The following INSYN2B variants were observed in gnomAD, a reference collection of about 807,000 sequenced individuals.
INSYN2B encodes inhibitory synaptic factor family member 2B.
In INSYN2B, 16 loss-of-function variants were observed where a neutral mutation model predicts 41.2. That is an observed-to-expected ratio of 0.39 (90% CI 0.26 to 0.59). The LOEUF is 0.59. Ranked by LOEUF, INSYN2B falls within the 20% of genes least tolerant of loss-of-function variation. The probability of loss-of-function intolerance (pLI) is 0.57; values close to 1 mark genes in which losing one functional copy is unlikely to be tolerated. For missense variants in INSYN2B, 608 were observed against 646.4 expected (o/e 0.94, Z 0.64); for synonymous variants, 245 against 244.4 (o/e 1.00, Z -0.02).
intron 1 of INSYN2B, among the ~76,000 whole-genome samples, chr5:169,909,665 C>G (rs185065585): frequency 1.3e-5 from 2 of 152,316 alleles, no homozygotes; most frequent in African/African-American, 4.8e-5. Flanking sequence ...AATCTGCCCT[C>G]TAAACCTATA....
chr5:169,941,782 G>A (rs938245997), intron 1 of INSYN2B, among the ~76,000 whole-genome samples: 5 of 152,144 alleles, frequency 3.3e-5, no homozygotes, highest in African/African-American at 4.8e-5. Context: ...AATACCACAC[G>A]CTTTCTTGCA....
intron 1 of INSYN2B, among the ~76,000 whole-genome samples, chr5:169,971,910 G>T (rs1216524287): frequency 6.6e-6 from 1 of 152,064 alleles, no homozygotes; most frequent in African/African-American, 2.4e-5. Flanking sequence ...TCCTCATCCT[G>T]TTCCAACATA....
intron 2 of INSYN2B, among the ~76,000 whole-genome samples, chr5:169,882,249 T>A (rs764638940): frequency 1.3e-5 from 2 of 152,190 alleles, no homozygotes; most frequent in African/African-American, 4.8e-5. Flanking sequence ...CATGTATCAA[T>A]AGAACCCTCA....
At chr5:169,939,333 T>G (rs1372162803) in intron 1 of INSYN2B, among the ~76,000 whole-genome samples, 1 of 152,150 alleles carries the variant, frequency 6.6e-6, no homozygotes, top group African/African-American at 2.4e-5. Flanking sequence ...CTGGTCTCAT[T>G]GAAGGTCTTC....
At chr5:169,882,246 C>G (rs1386630189) in intron 2 of INSYN2B, among the ~76,000 whole-genome samples, 3 of 152,150 alleles carry the variant, frequency 2.0e-5, no homozygotes, top group African/African-American at 7.2e-5. Context: ...CATCATGTAT[C>G]AATAGAACCC....
At chr5:169,969,251 C>T (rs1466459479) in intron 1 of INSYN2B, among the ~76,000 whole-genome samples, 1 of 152,050 alleles carries the variant, frequency 6.6e-6, no homozygotes, top group African/African-American at 2.4e-5. Context: ...TCAAGAACAG[C>T]TTGGCCAATA....
At chr5:169,943,652 G>A (rs1313871029) in intron 1 of INSYN2B, among the ~76,000 whole-genome samples, 16 of 152,152 alleles carry the variant, frequency 1.1e-4, no homozygotes, top group Admixed American at 1.0e-3. Context: ...ATTAGAGTTT[G>A]CAGATCTGGG....
At position 169,868,333 on chromosome 5, in the gene INSYN2B, T is replaced by C. The variant is rs11134595; in HGVS notation, c.1422-3874A>G. On this transcript the variant is annotated intron_variant, in intron 3 of 3. Coordinates refer to ENST00000377365, the MANE Select transcript of INSYN2B (RefSeq NM_001129891.3). ...ATCCATATGCTTCCACCAAATTATA[T>C]GAATACACACATGCACCAACTGCCT... Among the ~76,000 whole-genome samples the C allele has an allele frequency of 5.8e-3, 880 of 152,364 alleles. 15 individuals carry two copies. Among genetic ancestry groups the C allele is most frequent in the African/African-American group, 0.02 (834 of 41,586 alleles).
intron 3 of INSYN2B, among the ~76,000 whole-genome samples, chr5:169,874,774 G>A (rs1448948279): frequency 6.6e-6 from 1 of 152,154 alleles, no homozygotes; most frequent in African/African-American, 2.4e-5. Context: ...AGGCCTGAGG[G>A]ACTGAGAGAG....
chr5:169,900,809 T>G (rs915423824), intron 1 of INSYN2B, among the ~76,000 whole-genome samples: 11 of 152,134 alleles, frequency 7.2e-5, no homozygotes, highest in African/African-American at 2.7e-4. Flanking sequence ...TGAAAAATAT[T>G]TCCTCCTATT....
In INSYN2B at chr5:169,879,284, G is replaced by T. The variant is rs1242833127; in HGVS notation, c.1421+2084C>A. Among the ~76,000 whole-genome samples the T allele has an allele frequency of 1.5e-3, 223 of 152,280 alleles. 1 individual carries two copies. The highest frequency in any genetic ancestry group is 4.7e-3 in the African/African-American group (195 of 41,558). ...ACGGCTTAACAAGGCCTGGGGATGA[G>T]TATTTCACATCACTTATTCATTCGT... On this transcript the variant is annotated intron_variant, in intron 3 of 3. Coordinates refer to ENST00000377365, the MANE Select transcript of INSYN2B (RefSeq NM_001129891.3).
chr5:169,967,692 A>T (rs369172005), intron 1 of INSYN2B, among the ~76,000 whole-genome samples: 7 of 152,272 alleles, frequency 4.6e-5, no homozygotes, highest in African/African-American at 1.7e-4. Flanking sequence ...AATTGATTAG[A>T]GGGGCCAGAG....
Position 169,882,758 on chromosome 5 carries a change from A to T in INSYN2B, c.1141T>A (p.Ser381Thr), listed in dbSNP as rs1477248566. The T allele has an allele frequency of 5.8e-6, 9 of 1,551,648 alleles. No homozygotes were observed. The East Asian group carries it at 7.3e-5, about 13-fold the overall frequency. ...PNCPGSNHLP[S>T]SLSRSETKLQ... ...TTGGTCTCACTCCTTGAAAGAGAGG[A>T]TGGGAGATGATTACTTCCTGGACAA... Residue 381 changes from serine (S) to threonine (T), a missense_variant, in exon 2 of 4, where the codon TCC becomes ACC. Ser to Thr is a moderately conservative substitution (Grantham distance 58). Coordinates refer to ENST00000377365, the MANE Select transcript of INSYN2B (RefSeq NM_001129891.3).
chr5:169,906,373 G>A lies in INSYN2B; in HGVS notation c.-918-21557C>T, dbSNP rs556825678. ...TCAATAAGCATTAGCCAGCAAACGG[G>A]CGTTCATCTCAATTAAAACCACCAT... On this transcript the variant is annotated intron_variant, in intron 1 of 3. Transcript: ENST00000377365. Among the ~76,000 whole-genome samples, 147 of 152,258 alleles carry A rather than the reference G, an allele frequency of 9.7e-4. No homozygotes were observed. In the Middle Eastern group the frequency reaches 0.017, roughly 18 times the overall value.
chr5:169,910,020 T>C (rs1313745504), intron 1 of INSYN2B, among the ~76,000 whole-genome samples: 1 of 152,196 alleles, frequency 6.6e-6, no homozygotes, highest in African/African-American at 2.4e-5. Flanking sequence ...GGTGCCTTTC[T>C]CTCAGCCATT....
At chr5:169,923,269 T>C (rs139435883) in intron 1 of INSYN2B, among the ~76,000 whole-genome samples, 8 of 152,338 alleles carry the variant, frequency 5.3e-5, no homozygotes, top group African/African-American at 1.7e-4. Context: ...GTCTGGGTGG[T>C]AAGCTTATAT....
chr5:169,909,610 C>T (rs1410588004), intron 1 of INSYN2B, among the ~76,000 whole-genome samples: 2 of 152,148 alleles, frequency 1.3e-5, no homozygotes, highest in African/African-American at 4.8e-5. Context: ...AGTTACTTGA[C>T]CAACATACAT....
At chr5:169,971,705 G>A (rs180737608) in intron 1 of INSYN2B, among the ~76,000 whole-genome samples, 6 of 152,294 alleles carry the variant, frequency 3.9e-5, no homozygotes, top group East Asian at 1.9e-4. Context: ...TCAAGACCTC[G>A]TCAGCAGAGC....
intron 1 of INSYN2B, among the ~76,000 whole-genome samples, chr5:169,936,714 CTA>C (rs1776018899): frequency 6.6e-6 from 1 of 151,700 alleles, no homozygotes; most frequent in African/African-American, 2.4e-5. Context: ...GCGCTCCAGC[CTA>C]TATAGATTTG....
Sources: gnomAD v4.1 joint callset for allele counts (sites outside exome capture counted in the v4.1 genomes callset) on GRCh38, gnomAD v4.1.1 for gene constraint, MANE v1.5 for transcripts, NCBI Gene and HGNC (gene_info 2026-07-23, HGNC 2026-07-21) for gene names.